Variants in ANKRD30B observed in about 807,000 individuals in gnomAD.
ANKRD30B encodes the protein ankyrin repeat domain 30B, also known as ankyrin repeat domain-containing protein 30B.
Under a neutral mutation model 202.2 loss-of-function variants are expected in ANKRD30B, and 144 were observed. The observed-to-expected ratio is 0.71, with a 90% confidence interval of 0.62 to 0.82. ANKRD30B has a LOEUF of 0.82. Ranked by LOEUF, ANKRD30B falls within the 40% of genes least tolerant of loss-of-function variation. ANKRD30B has a pLI of 0.00. For synonymous variants in ANKRD30B, 508 were observed against 561.3 expected (o/e 0.91, Z 1.34); for missense variants, 1,487 against 1,669.1 (o/e 0.89, Z 1.90).
Position 14,748,475 on chromosome 18 carries a change from AC to A in ANKRD30B, c.60del (p.Phe21SerfsTer19). 6.5e-7 allele frequency: 1 copy of A among 1,545,544 alleles called. No individual in the cohort carries two copies. The highest frequency in any genetic ancestry group is 1.2e-5 in the South Asian group (1 of 83,616). ...GKGVRGPEPP[N>X]PFSERVYTEK... ...GGCGTGCGGGGCCCGGAGCCCCCGA[AC>A]CCCTTCAGCGAACGGGTCTACACTG... On this transcript the variant is annotated frameshift_variant, in exon 1 of 44. Coordinates refer to ENST00000690538, the MANE Select transcript of ANKRD30B (RefSeq NM_001367607.2). LOFTEE classifies it high-confidence loss of function.
At chr18:14,845,624 T>C (rs1384558540) in intron 39 of ANKRD30B, among the ~76,000 whole-genome samples, 1 of 151,840 alleles carries the variant, frequency 6.6e-6, no homozygotes, top group East Asian at 1.9e-4. Context: ...ATTTTTCAAC[T>C]CTTCCATCAT....
Position 14,755,024 on chromosome 18 carries a change from T to C in ANKRD30B, c.617+19T>C. 1 of 1,377,368 alleles carries C rather than the reference T, an allele frequency of 7.3e-7. No homozygotes were observed. The highest frequency in any genetic ancestry group is 9.6e-7 in the Non-Finnish European group (1 of 1,045,902). The allele number at this position is 1,377,368 out of a possible 1,614,324, so 85.3% of individuals were successfully genotyped here. ...CTAAATGGTATGGTAGTTCTTTTTT[T>C]TTACTAAAAAACACTTGACTAGTGT... On this transcript the variant is annotated intron_variant, in intron 4 of 43. Coordinates refer to ENST00000690538, the MANE Select transcript of ANKRD30B (RefSeq NM_001367607.2).
At chr18:14,764,880 T>TCACTA (rs1043321060) in intron 7 of ANKRD30B, among the ~76,000 whole-genome samples, 2 of 152,294 alleles carry the variant, frequency 1.3e-5, no homozygotes, top group Non-Finnish European at 2.9e-5. Flanking sequence ...TCTAAGCCAG[T>TCACTA]CACTAGGAAA....
chr18:14,866,616 T>A, the ANKRD30B span, among the ~76,000 whole-genome samples: 1 of 152,024 alleles, frequency 6.6e-6, no homozygotes, highest in Non-Finnish European at 1.5e-5. Flanking sequence ...TGCATCTCTG[T>A]TAGAGTAGTA....
intron 14 of ANKRD30B, among the ~76,000 whole-genome samples, chr18:14,786,327 T>A (rs1179357165): frequency 6.6e-6 from 1 of 152,190 alleles, no homozygotes. Context: ...GTTAGATTAC[T>A]TAAGGCAATT....
At chr18:14,777,613 A>G (rs937106974) in intron 9 of ANKRD30B, among the ~76,000 whole-genome samples, 1 of 151,936 alleles carries the variant, frequency 6.6e-6, no homozygotes, top group African/African-American at 2.4e-5. Context: ...AAAGATTTTA[A>G]ATAAAAAATA....
At chr18:14,809,841 C>T (rs1490643513) in intron 26 of ANKRD30B, 145 bp from the exon 27 acceptor site, 4 of 799,794 alleles carry the variant, frequency 5.0e-6, no homozygotes, top group African/African-American at 1.7e-5. Flanking sequence ...TTAACAAATA[C>T]AATAACCCAA....
chr18:14,830,450 G>C (rs186737669), intron 33 of ANKRD30B, among the ~76,000 whole-genome samples: 110 of 152,178 alleles, frequency 7.2e-4, no homozygotes, highest in Non-Finnish European at 1.3e-3. Flanking sequence ...AACAAATATA[G>C]ATTTGTATTT....
intron 1 of ANKRD30B, among the ~76,000 whole-genome samples, chr18:14,750,116 C>T (rs536408400): frequency 3.9e-5 from 6 of 152,074 alleles, no homozygotes; most frequent in African/African-American, 1.4e-4. Context: ...AATTAAATCA[C>T]CCTGCATATG....
chr18:14,821,332 T>G (rs1215369730), intron 30 of ANKRD30B, among the ~76,000 whole-genome samples: 1 of 152,200 alleles, frequency 6.6e-6, no homozygotes, highest in African/African-American at 2.4e-5. Context: ...ATTCATTAAT[T>G]TTTTGAACGG....
chr18:14,924,048 C>A, the ANKRD30B span, among the ~76,000 whole-genome samples: 1 of 152,240 alleles, frequency 6.6e-6, no homozygotes, highest in Non-Finnish European at 1.5e-5. Context: ...GTCCCAGCAT[C>A]ACAACGTAGT....
intron 22 of ANKRD30B, among the ~76,000 whole-genome samples, chr18:14,799,562 C>T (rs560307972): frequency 2.0e-4 from 30 of 152,140 alleles, no homozygotes; most frequent in South Asian, 6.2e-4. Context: ...AATTTCTGTA[C>T]GTGCTCGGTT....
At chr18:14,818,297 A>T (rs1397636800) in intron 30 of ANKRD30B, among the ~76,000 whole-genome samples, 1 of 152,164 alleles carries the variant, frequency 6.6e-6, no homozygotes, top group African/African-American at 2.4e-5. Flanking sequence ...TATGCAGGTT[A>T]ATGATATATA....
the ANKRD30B span, among the ~76,000 whole-genome samples, chr18:14,903,251 T>C: frequency 1.3e-5 from 2 of 152,140 alleles, no homozygotes; most frequent in African/African-American, 4.8e-5. Flanking sequence ...GCAGATTAAT[T>C]GGAGGAAAGG....
chr18:14,872,135 C>T, the ANKRD30B span, among the ~76,000 whole-genome samples: 4 of 152,172 alleles, frequency 2.6e-5, no homozygotes, highest in African/African-American at 9.7e-5. Context: ...AACTTCACTG[C>T]CTTCACTCCT....
intron 33 of ANKRD30B, chr18:14,830,294 C>A (rs897652428): frequency 2.0e-5 from 3 of 152,846 alleles, no homozygotes; most frequent in African/African-American, 7.2e-5. Flanking sequence ...TTCTAGCAGT[C>A]TCTCTCCTTG....
At chr18:14,864,141 C>T in the ANKRD30B span, among the ~76,000 whole-genome samples, 1 of 152,146 alleles carries the variant, frequency 6.6e-6, no homozygotes, top group African/African-American at 2.4e-5. Flanking sequence ...TCGGGACCAG[C>T]CTGACCAACA....
chr18:14,765,821 T>C (rs1916039563), intron 7 of ANKRD30B, among the ~76,000 whole-genome samples: 1 of 152,190 alleles, frequency 6.6e-6, no homozygotes, highest in Admixed American at 6.5e-5. Context: ...GTAAAAGGAA[T>C]CAAGTTCAGA....
intron 6 of ANKRD30B, among the ~76,000 whole-genome samples, chr18:14,763,178 C>G (rs115454803): frequency 1.3e-5 from 2 of 151,946 alleles, no homozygotes; most frequent in Admixed American, 6.6e-5. Flanking sequence ...ATAATTATTA[C>G]TTACTATGTC....
Sources: allele counts gnomAD v4.1 joint callset (sites outside exome capture counted in the v4.1 genomes callset), GRCh38; gene constraint gnomAD v4.1.1; transcripts MANE v1.5; gene names NCBI Gene and HGNC (gene_info 2026-07-23, HGNC 2026-07-21).